IZUMO4: variants seen among roughly 807,000 people sequenced by gnomAD.
The protein encoded by IZUMO4 is izumo sperm-egg fusion protein 4.
IZUMO4 carries 51 observed loss-of-function variants against 37.1 expected under a neutral mutation model. The ratio of observed to expected loss-of-function variants is 1.38; its 90% CI spans 1.10 to 1.74. The LOEUF is 1.74. Among genes scored for constraint, IZUMO4 ranks in the 40% most tolerant of loss-of-function variants. The pLI is 0.00. For missense variants in IZUMO4, 364 were observed against 299.6 expected (o/e 1.21, Z -1.59); for synonymous variants, 162 against 121.4 (o/e 1.33, Z -2.20).
intron 7 of IZUMO4, 38 bp from the exon 8 acceptor site, chr19:2,098,748 GC>G (rs1230354640): frequency 3.7e-6 from 6 of 1,604,862 alleles, no homozygotes; most frequent in Non-Finnish European, 5.1e-6. Flanking sequence ...GGTTAGGGGT[GC>G]CCCATGGAGG....
chr19:2,098,532 C>T (rs1020860510), intron 7 of IZUMO4, 82 bp downstream of exon 7: 123 of 1,608,120 alleles, frequency 7.6e-5, no homozygotes, highest in Admixed American at 2.2e-4. Context: ...CACAGGCTGG[C>T]TCCCTCAGCT....
At chr19:2,097,642 T>C (rs115783655) in intron 3 of IZUMO4, 147 bp downstream of exon 3, 9,580 of 803,496 alleles carry the variant, frequency 0.012, 296 homozygotes, top group African/African-American at 0.098. Context: ...GGACCCAGCC[T>C]AGCACCTGAA....
intron 7 of IZUMO4, 92 bp downstream of exon 7, chr19:2,098,542 T>A: frequency 6.2e-7 from 1 of 1,607,596 alleles, no homozygotes; most frequent in Non-Finnish European, 8.5e-7. Flanking sequence ...CTCCCTCAGC[T>A]CCCACGTCCT....
At position 2,099,352 on chromosome 19, in the gene IZUMO4, C is replaced by G. The variant is rs756988587; in HGVS notation, c.*7C>G. ...GTGTCTCAAGCAGCACTGACAGCAG[C>G]TGGGCCTGCCCCAGGGCAACGTGGG... is the stretch of plus-strand genomic sequence containing the variant. On this transcript the variant is annotated 3_prime_UTR_variant, in exon 10 of 10. Transcript: ENST00000395301. 44 of 1,606,348 alleles carry G rather than the reference C, an allele frequency of 2.7e-5. No individual in the cohort carries two copies. The highest frequency in any genetic ancestry group is 3.7e-5 in the Non-Finnish European group (44 of 1,175,596).
chr19:2,099,425 C>A lies in IZUMO4; in HGVS notation c.*80C>A. On this transcript the variant is annotated 3_prime_UTR_variant, in exon 10 of 10. Coordinates refer to ENST00000395301, the MANE Select transcript of IZUMO4 (RefSeq NM_001039846.2). ...CCCTGCCTGTCACTCTGGAGCTGGG[C>A]TGCTGCTGCCTCAGGACCCCCTCTC... 1 of 910,124 alleles carries A rather than the reference C, an allele frequency of 1.1e-6. No homozygotes were observed. The highest frequency in any genetic ancestry group is 1.6e-6 in the Non-Finnish European group (1 of 611,040). The allele number at this position is 910,124 out of a possible 1,614,324, so 56.4% of individuals were successfully genotyped here.
At position 2,099,019 on chromosome 19, in the gene IZUMO4, A is replaced by AC; in HGVS notation, c.602dup (p.Ala202GlyfsTer26). 6.2e-7 allele frequency: 1 copy of AC among 1,612,968 alleles called. No homozygotes were observed. Among genetic ancestry groups the AC allele is most frequent in the Non-Finnish European group, 8.5e-7 (1 of 1,179,912 alleles). On this transcript the variant is annotated frameshift_variant, in exon 9 of 10. Coordinates refer to ENST00000395301, the MANE Select transcript of IZUMO4 (RefSeq NM_001039846.2). LOFTEE classifies it low-confidence loss of function (END_TRUNC). ...CTCCTGGCCTGGGACACACAGAGCC[A>AC]CCCCGGCCTTGTGAGTGACCCAGAG...
chr19:2,099,443 C>A lies in IZUMO4; in HGVS notation c.*98C>A, dbSNP rs1293309318. The A allele has an allele frequency of 9.4e-6, 8 of 854,938 alleles. No homozygotes were observed. In the East Asian group the frequency reaches 1.3e-4, roughly 14 times the overall value. 53.0% of individuals were successfully genotyped at this position (854,938 alleles called of 1,614,324 possible). ...AGCTGGGCTGCTGCTGCCTCAGGAC[C>A]CCCTCTCCGACCCCGGACAGAGCTG... On this transcript the variant is annotated 3_prime_UTR_variant, in exon 10 of 10. Coordinates refer to ENST00000395301, the MANE Select transcript of IZUMO4 (RefSeq NM_001039846.2).
intron 3 of IZUMO4, 196 bp downstream of exon 3, chr19:2,097,691 A>T (rs1340297772): frequency 1.4e-6 from 1 of 691,504 alleles, no homozygotes. Context: ...TCCCCTAAGT[A>T]GCCCCCAGAG....
rs45506200 is a variant in IZUMO4 at position 2,098,064 on chromosome 19, A to T, written c.410A>T (p.Tyr137Phe). The stretch of plus-strand genomic sequence containing the variant: ...GTACGTGTTTCAGGCATCTTCCAGT[A>T]CGAGACCATCTCCTGCAACAACTGC... ...DCQHRCGIFQ[Y>F]ETISCNNCTD... Residue 137 changes from tyrosine to phenylalanine, a missense_variant, in exon 5 of 10, where the codon TAC (tyrosine) becomes TTC (phenylalanine). By Grantham distance (22) the Tyr-to-Phe change is conservative. Coordinates refer to ENST00000395301, the MANE Select transcript of IZUMO4 (RefSeq NM_001039846.2). 0.025 allele frequency: 40,644 copies of T among 1,613,388 alleles called. 608 individuals carry two copies. The highest frequency in any genetic ancestry group is 0.03 in the Non-Finnish European group (35,196 of 1,179,942).
chr19:2,097,668 C>T (rs1431066561), intron 3 of IZUMO4, 173 bp downstream of exon 3: 4 of 726,800 alleles, frequency 5.5e-6, no homozygotes, highest in African/African-American at 5.2e-5. Context: ...AATGCCATCA[C>T]CCCGCGGGGA....
rs753194313 is a variant in IZUMO4, at chr19:2,097,918, C to T, written c.371-11C>T. The T allele has an allele frequency of 7.4e-6, 12 of 1,612,804 alleles. No homozygotes were observed. The highest frequency in any genetic ancestry group is 1.6e-4 in the Middle Eastern group (1 of 6,064). ...GGCCTGGTAAGATGGCGCTGTCCTG[C>T]CCTCCCACAGGCCGCATCGACTGTC... is the stretch of plus-strand genomic sequence containing the variant. On this transcript the variant is annotated splice_polypyrimidine_tract_variant and intron_variant, in intron 3 of 9. Coordinates refer to ENST00000395301, the MANE Select transcript of IZUMO4 (RefSeq NM_001039846.2).
At chr19:2,098,244 C>A in intron 5 of IZUMO4, 43 bp from the exon 6 acceptor site, 1 of 1,613,110 alleles carries the variant, frequency 6.2e-7, no homozygotes, top group South Asian at 1.1e-5. Flanking sequence ...AGGGCGGGGC[C>A]GTGGGTTCAG....
At chr19:2,097,759 T>A in intron 3 of IZUMO4, 170 bp from the exon 4 acceptor site, 1 of 825,834 alleles carries the variant, frequency 1.2e-6, no homozygotes, top group Non-Finnish European at 1.9e-6. Flanking sequence ...ACGCTGGGGG[T>A]CAACCTGGGG....
rs1384835109 is a variant in IZUMO4 at position 2,096,952 on chromosome 19, C to G, written c.7C>G (p.Leu3Val). Residue 3 changes from leucine (L) to valine (V), a missense_variant, in exon 1 of 10, where the codon CTG becomes GTG. Coordinates refer to ENST00000395301, the MANE Select transcript of IZUMO4 (RefSeq NM_001039846.2). MA[L>V]LLCLVCLTAA... ...GCGGCGGGCCGGGACGGGCATGGCC[C>G]TGCTGCTGTGCCTGGTGTGCCTGAC... is the stretch of plus-strand genomic sequence containing the variant. 6.2e-7 allele frequency: 1 copy of G among 1,605,336 alleles called. No homozygotes were observed. The highest frequency in any genetic ancestry group is 8.5e-7 in the Non-Finnish European group (1 of 1,179,216).
chr19:2,099,063 AG>A (rs1440193411), intron 9 of IZUMO4, 34 bp downstream of exon 9: 2 of 1,600,218 alleles, frequency 1.2e-6, no homozygotes, highest in South Asian at 2.2e-5. Context: ...CCTCGGGAGA[AG>A]GGGTGCTCGT....
In IZUMO4 at chr19:2,099,385, A is replaced by C; in HGVS notation, c.*40A>C. On this transcript the variant is annotated 3_prime_UTR_variant, in exon 10 of 10. Transcript: ENST00000395301. ...GCCCCAGGGCAACGTGGGGGCGGAG[A>C]CTCAGCTGGACAGCCCCTGCCTGTC... 2 of 1,391,194 alleles carry C rather than the reference A, an allele frequency of 1.4e-6. No homozygotes were observed. The highest frequency in any genetic ancestry group is 2.5e-5 in the East Asian group (1 of 40,662). The allele number at this position is 1,391,194 out of a possible 1,614,324, so 86.2% of individuals were successfully genotyped here.
In IZUMO4 at chr19:2,097,153, G is replaced by C. The variant is rs1388989138; in HGVS notation, c.208G>C (p.Ala70Pro). 6.2e-7 allele frequency: 1 copy of C among 1,610,084 alleles called. No individual in the cohort carries two copies. The highest frequency in any genetic ancestry group is 1.7e-5 in the Admixed American group (1 of 59,904). The change falls in exon 1 of 10, where the codon GCC becomes CCC. Residue 70 changes from alanine (A) to proline (P), a missense_variant. By Grantham distance (27) the Ala-to-Pro change is conservative. Transcript: ENST00000395301. ...TMKELHLAIP[A>P]KITREKLDQV... ...GAAGGAGCTGCACCTGGCCATCCCCGCCAAGATCAGTGAGTGCCGGAGCCC... is the reference window on the plus strand; with the variant it reads ...GAAGGAGCTGCACCTGGCCATCCCCCCCAAGATCAGTGAGTGCCGGAGCCC...
chr19:2,097,339 G>A lies in IZUMO4; in HGVS notation c.298+7G>A. The A allele has an allele frequency of 6.2e-7, 1 of 1,612,650 alleles. No homozygotes were observed. Among genetic ancestry groups the A allele is most frequent in the Non-Finnish European group, 8.5e-7 (1 of 1,179,808 alleles). On this transcript the variant is annotated splice_region_variant and intron_variant, in intron 2 of 9. Coordinates refer to ENST00000395301, the MANE Select transcript of IZUMO4 (RefSeq NM_001039846.2). ...GGGAAGATGTACTTCCCCGGTAAGG[G>A]GCGCGAAACCGAGGCGGGGCCCCCC...
In IZUMO4 at chr19:2,097,032, C is replaced by T. The variant is rs2017717178; in HGVS notation, c.87C>T (p.Phe29=). ...LHCHSNFSKK[F]SFYRHHVNFK... Reference sequence around the variant, plus strand: ...GCCACAGCAACTTCTCCAAGAAGTTCTCCTTCTACCGCCACCATGTGAACT... The same window carrying T: ...GCCACAGCAACTTCTCCAAGAAGTTTTCCTTCTACCGCCACCATGTGAACT... The change falls in exon 1 of 10, where the codon TTC becomes TTT. Residue 29 remains phenylalanine (F), a synonymous_variant. Transcript: ENST00000395301. The T allele has an allele frequency of 6.2e-7, 1 of 1,612,436 alleles. No homozygotes were observed. Among genetic ancestry groups the T allele is most frequent in the Non-Finnish European group, 8.5e-7 (1 of 1,179,874 alleles).
Sources: gnomAD v4.1 joint callset for allele counts on GRCh38, gnomAD v4.1.1 for gene constraint, MANE v1.5 for transcripts, NCBI Gene and HGNC (gene_info 2026-07-23, HGNC 2026-07-21) for gene names.